SLC44A5: variants seen among roughly 807,000 people sequenced by gnomAD.
The protein encoded by SLC44A5 is solute carrier family 44 member 5, also known as choline transporter-like protein 5.
A neutral mutation model predicts 101.8 loss-of-function variants in SLC44A5; 57 were observed. The observed-to-expected ratio is 0.56, with a 90% CI of 0.45 to 0.70. The LOEUF (loss-of-function observed/expected upper bound fraction) is 0.70. Ranked by LOEUF, SLC44A5 falls within the 30% of genes least tolerant of loss-of-function variation. The pLI is 0.00. For missense variants in SLC44A5, 737 were observed against 853.1 expected (o/e 0.86, Z 1.70); for synonymous variants, 281 against 290.9 (o/e 0.97, Z 0.35).
At chr1:75,464,935 T>C (rs1666732503) in intron 2 of SLC44A5, among the ~76,000 whole-genome samples, 1 of 152,130 alleles carries the variant, frequency 6.6e-6, no homozygotes. Context: ...TATACAATAA[T>C]AGCTGGAAAC....
intron 2 of SLC44A5, among the ~76,000 whole-genome samples, chr1:75,462,956 G>A (rs1047853388): frequency 1.3e-5 from 2 of 152,102 alleles, no homozygotes; most frequent in African/African-American, 4.8e-5. Flanking sequence ...GTAGAGAAAG[G>A]AATAGGAGTA....
rs1035238685 is a variant in SLC44A5 at position 75,219,018 on chromosome 1, A to G, written c.1266+239T>C. On this transcript the variant is annotated intron_variant, in intron 16 of 23. Coordinates refer to ENST00000370859, the MANE Select transcript of SLC44A5 (RefSeq NM_001130058.2). The stretch of plus-strand genomic sequence containing the variant: ...TTGTTGTTGACCATACCTACTTTCT[A>G]TGGTCTTGGGTATATGGTAGGGCAG... 3.9e-5 allele frequency among the ~76,000 whole-genome samples: 6 copies of G among 152,056 alleles called. No homozygotes were observed. In the East Asian group the frequency reaches 1.2e-3, roughly 29 times the overall value.
chr1:75,386,356 C>A (rs572293482), intron 3 of SLC44A5, among the ~76,000 whole-genome samples: 67 of 152,272 alleles, frequency 4.4e-4, no homozygotes, highest in African/African-American at 1.4e-3. Context: ...GCAACTTCAG[C>A]AAAGTCTCAG....
At chr1:75,245,993 A>G (rs1352631820) in intron 7 of SLC44A5, among the ~76,000 whole-genome samples, 3 of 152,124 alleles carry the variant, frequency 2.0e-5, no homozygotes, top group African/African-American at 7.2e-5. Context: ...GCATAGAAAT[A>G]TGGCTCAGAT....
chr1:75,607,526 T>G (rs544273426), intron 1 of SLC44A5, among the ~76,000 whole-genome samples: 99 of 152,154 alleles, frequency 6.5e-4, no homozygotes, highest in African/African-American at 2.4e-3. Flanking sequence ...TAAATAATTA[T>G]TACAACCAAA....
chr1:75,313,653 G>C (rs2100925545), intron 4 of SLC44A5, among the ~76,000 whole-genome samples: 1 of 152,194 alleles, frequency 6.6e-6, no homozygotes, highest in South Asian at 2.1e-4. Context: ...CTGTATTTAA[G>C]GGAGCAAAGA....
At chr1:75,236,916 T>C (rs1173776745) in intron 11 of SLC44A5, 71 bp downstream of exon 11, 1 of 789,012 alleles carries the variant, frequency 1.3e-6, no homozygotes, top group African/African-American at 1.7e-5. Context: ...ATATAAAATT[T>C]GAAGAAAGAG....
the SLC44A5 span, among the ~76,000 whole-genome samples, chr1:75,638,565 G>A: frequency 0.016 from 2,377 of 152,092 alleles, 76 homozygotes; most frequent in African/African-American, 0.053. Context: ...GTGTTACACA[G>A]AGACAGCAAT....
chr1:75,214,003 A>G lies in SLC44A5; in HGVS notation c.1803-14T>C, dbSNP rs746228157. 6.7e-7 allele frequency: 1 copy of G among 1,493,792 alleles called. No individual in the cohort carries two copies. Among genetic ancestry groups the G allele is most frequent in the Non-Finnish European group, 9.2e-7 (1 of 1,090,942 alleles). 92.5% of individuals were successfully genotyped at this position (1,493,792 alleles called of 1,614,324 possible). On this transcript the variant is annotated splice_polypyrimidine_tract_variant and intron_variant, in intron 20 of 23. Coordinates refer to ENST00000370859, the MANE Select transcript of SLC44A5 (RefSeq NM_001130058.2). The stretch of plus-strand genomic sequence containing the variant: ...GTAACTGCAACTCTGAGTATCAGAA[A>G]AAAAGAAAGTATAATTCTGTGTTTA...
In SLC44A5 at chr1:75,589,521, T is replaced by C. The variant is rs547071981; in HGVS notation, c.-70+21519A>G. On this transcript the variant is annotated intron_variant, in intron 1 of 23. Transcript: ENST00000370859. Reference sequence around the variant, plus strand: ...AGCAAGATGGTATAATGGAAAGCTCTACCCATCGTCCTGCCAGCAAGAATA... The same window carrying C: ...AGCAAGATGGTATAATGGAAAGCTCCACCCATCGTCCTGCCAGCAAGAATA... Among the ~76,000 whole-genome samples, 17 of 152,308 alleles carry C rather than the reference T, an allele frequency of 1.1e-4. No homozygotes were observed. In the South Asian group the frequency reaches 3.5e-3, roughly 32 times the overall value.
chr1:75,587,225 T>C (rs1334957752), intron 1 of SLC44A5, among the ~76,000 whole-genome samples: 1 of 152,164 alleles, frequency 6.6e-6, no homozygotes, highest in African/African-American at 2.4e-5. Flanking sequence ...GGAATGCAGC[T>C]GAGCTAATTA....
intron 3 of SLC44A5, among the ~76,000 whole-genome samples, chr1:75,360,439 G>C (rs1373441501): frequency 4.6e-5 from 7 of 152,096 alleles, no homozygotes; most frequent in Admixed American, 4.6e-4. Flanking sequence ...CAAAGTGCTG[G>C]GATTAGAGGT....
chr1:75,310,497 G>A (rs1655213920), intron 4 of SLC44A5, among the ~76,000 whole-genome samples: 1 of 152,102 alleles, frequency 6.6e-6, no homozygotes, highest in Non-Finnish European at 1.5e-5. Flanking sequence ...ATCCCTACCT[G>A]GAAGGTGCTT....
the SLC44A5 span, among the ~76,000 whole-genome samples, chr1:75,719,908 T>C: frequency 6.6e-6 from 1 of 151,806 alleles, no homozygotes. Flanking sequence ...AAAAGAAGGG[T>C]GCGTGAGACT....
chr1:75,500,439 T>G (rs1327715653), intron 2 of SLC44A5, among the ~76,000 whole-genome samples: 1 of 151,202 alleles, frequency 6.6e-6, no homozygotes, highest in African/African-American at 2.4e-5. Flanking sequence ...TACCATCACT[T>G]TATCTACCTT....
chr1:75,455,817 C>CAT (rs1341093467), intron 2 of SLC44A5, among the ~76,000 whole-genome samples: 1 of 152,092 alleles, frequency 6.6e-6, no homozygotes, highest in African/African-American at 2.4e-5. Context: ...GATACTATCT[C>CAT]ATACCAGTCA....
intron 23 of SLC44A5, among the ~76,000 whole-genome samples, chr1:75,210,397 T>C (rs1646829610): frequency 1.3e-5 from 2 of 152,154 alleles, no homozygotes; most frequent in South Asian, 4.1e-4. Context: ...GGGAGTTGCA[T>C]ATGCAACTAT....
chr1:75,472,711 T>A (rs1164645692), intron 2 of SLC44A5, among the ~76,000 whole-genome samples: 2 of 152,198 alleles, frequency 1.3e-5, no homozygotes, highest in Non-Finnish European at 2.9e-5. Context: ...AAGGTTAGTC[T>A]CAATAGAATT....
intron 14 of SLC44A5, among the ~76,000 whole-genome samples, chr1:75,220,916 C>T (rs528904273): frequency 3.3e-5 from 5 of 152,224 alleles, no homozygotes; most frequent in Non-Finnish European, 7.4e-5. Context: ...ATTCTCACAC[C>T]TATTTATTTC....
Sources: allele counts gnomAD v4.1 joint callset (sites outside exome capture counted in the v4.1 genomes callset), GRCh38; gene constraint gnomAD v4.1.1; transcripts MANE v1.5; gene names NCBI Gene and HGNC (gene_info 2026-07-23, HGNC 2026-07-21).